Variants in E2F8 observed in about 807,000 individuals in gnomAD.
The protein encoded by E2F8 is transcription factor E2F8.
A neutral mutation model predicts 80.8 loss-of-function variants in E2F8; 35 were observed. The observed-to-expected ratio is 0.43, with a 90% CI of 0.33 to 0.57. The LOEUF is 0.57. Ranked by LOEUF, E2F8 falls within the 20% of genes least tolerant of loss-of-function variation. The pLI, the probability that E2F8 is intolerant of heterozygous loss-of-function variation, is 0.04. For synonymous variants in E2F8, 386 were observed against 395.0 expected (o/e 0.98, Z 0.27); for missense variants, 975 against 1,056.2 (o/e 0.92, Z 1.07).
rs1590123759 is a variant in E2F8, at chr11:19,229,365, T to C, written c.1893+89A>G. ...AACAGTTCCTTGTCTTCTGAGAGAA[T>C]GCTCTTCGGTAAATTTCACAAGCCA... is the stretch of plus-strand genomic sequence containing the variant. On this transcript the variant is annotated intron_variant, in intron 10 of 12. Coordinates refer to ENST00000250024, the MANE Select transcript of E2F8 (RefSeq NM_024680.4). The surrounding 1 kb of genome is among the most constrained non-coding windows in gnomAD (Gnocchi z 4.3). 3 of 1,494,292 alleles carry C rather than the reference T, an allele frequency of 2.0e-6. No individual in the cohort carries two copies. Among genetic ancestry groups the C allele is most frequent in the South Asian group, 2.7e-5 (2 of 73,356 alleles). The allele number at this position is 1,494,292 out of a possible 1,614,324, so 92.6% of individuals were successfully genotyped here.
intron 11 of E2F8, 23 bp downstream of exon 11, chr11:19,225,709 G>C (rs1248632112): frequency 6.2e-7 from 1 of 1,613,992 alleles, no homozygotes; most frequent in East Asian, 2.2e-5. Context: ...CCCACATCTG[G>C]TTAGTGTTTT....
rs755666437 is a variant in E2F8, at chr11:19,238,180, A to G, written c.16-48T>C. The stretch of plus-strand genomic sequence containing the variant: ...TTAAATCCATGGTAAAACAGGATTT[A>G]TCAGACAGCTTGGATTCTAGAAATT... On this transcript the variant is annotated intron_variant, in intron 2 of 12. Coordinates refer to ENST00000250024, the MANE Select transcript of E2F8 (RefSeq NM_024680.4). The G allele has an allele frequency of 2.1e-5, 33 of 1,544,548 alleles. No homozygotes were observed. The East Asian group carries it at 6.3e-4, about 30-fold the overall frequency.
intron 4 of E2F8, among the ~76,000 whole-genome samples, chr11:19,235,606 G>A (rs1420665386): frequency 6.6e-6 from 1 of 151,856 alleles, no homozygotes; most frequent in Non-Finnish European, 1.5e-5. Context: ...CCTAGATCGC[G>A]CCACAGCACT....
chr11:19,232,612 G>A (rs1330783785), intron 6 of E2F8, among the ~76,000 whole-genome samples: 1 of 152,002 alleles, frequency 6.6e-6, no homozygotes, highest in African/African-American at 2.4e-5. Context: ...AGCATACGTT[G>A]ACAAAGGAAA....
Position 19,238,009 on chromosome 11 carries a change from T to C in E2F8, c.139A>G (p.Lys47Glu), listed in dbSNP as rs781530548. The C allele has an allele frequency of 4.3e-6, 7 of 1,614,070 alleles. No homozygotes were observed. In the Admixed American group the frequency reaches 8.3e-5, roughly 19 times the overall value. ...TCTCCCTGAGAGCCTTCCTTGGGCT[T>C]GGTAGGTGTGGTTAAAGGGCCAAAG... Reference protein sequence around the residue: ...PDFGPLTTPTKPKEGSQGEPW... With the variant: ...PDFGPLTTPTEPKEGSQGEPW... The change falls in exon 3 of 13, where the codon AAG (lysine) becomes GAG (glutamate). Residue 47 changes from lysine to glutamate, a missense_variant. Lys to Glu is a moderately conservative substitution (Grantham distance 56, BLOSUM62 1). Coordinates refer to ENST00000250024, the MANE Select transcript of E2F8 (RefSeq NM_024680.4).
chr11:19,230,853 G>T lies in E2F8; in HGVS notation c.1067-19C>A. 6.2e-7 allele frequency: 1 copy of T among 1,612,686 alleles called. No individual in the cohort carries two copies. Among genetic ancestry groups the T allele is most frequent in the East Asian group, 2.2e-5 (1 of 44,870 alleles). On this transcript the variant is annotated intron_variant, in intron 7 of 12. Transcript: ENST00000250024. ...CTGGAGCCTGAAACAGAAAACGTCT[G>T]TGTATTAAAACCTGGATGGCTCAGT...
In E2F8 at chr11:19,225,830, G is replaced by A. The variant is rs764017564; in HGVS notation, c.1928C>T (p.Thr643Met). 9.9e-6 allele frequency: 16 copies of A among 1,614,088 alleles called. No homozygotes were observed. The highest frequency in any genetic ancestry group is 5.3e-5 in the African/African-American group (4 of 74,934). ...CTCTGCCCCCAGGGATGAGCACTGC[G>A]TGAGAGGGATTAGGTATCCTGATGG... ...LFPSGYLIPL[T>M]QCSSLGAESI... The change falls in exon 11 of 13, where the codon ACG becomes ATG. Residue 643 changes from threonine (T) to methionine (M), a missense_variant. Coordinates refer to ENST00000250024, the MANE Select transcript of E2F8 (RefSeq NM_024680.4).
intron 4 of E2F8, among the ~76,000 whole-genome samples, chr11:19,235,694 G>A (rs946603072): frequency 1.3e-5 from 2 of 151,758 alleles, no homozygotes; most frequent in South Asian, 2.1e-4. Flanking sequence ...AGAAAACAGA[G>A]GCTCAGACCA....
Position 19,224,709 on chromosome 11 carries a change from A to T in E2F8, c.2553T>A (p.Thr851=). 2.5e-6 allele frequency: 4 copies of T among 1,614,212 alleles called. No homozygotes were observed. The highest frequency in any genetic ancestry group is 3.4e-6 in the Non-Finnish European group (4 of 1,180,038). The change falls in exon 13 of 13, where the codon ACT becomes ACA. Residue 851 remains threonine, a synonymous_variant. Transcript: ENST00000250024. ...FEGANKTSLG[T]LFVPQRKLEV... ...CCAGTTTTCGCTGTGGGACAAAGAG[A>T]GTTCCTAAGGAGGTTTTATTAGCAC... is the stretch of plus-strand genomic sequence containing the variant.
At position 19,230,262 on chromosome 11, in the gene E2F8, AT is replaced by A; in HGVS notation, c.1336del (p.Met446CysfsTer3). 1 of 1,613,740 alleles carries A rather than the reference AT, an allele frequency of 6.2e-7. No homozygotes were observed. The highest frequency in any genetic ancestry group is 8.5e-7 in the Non-Finnish European group (1 of 1,179,920). On this transcript the variant is annotated frameshift_variant, in exon 9 of 13. Coordinates refer to ENST00000250024, the MANE Select transcript of E2F8 (RefSeq NM_024680.4). LOFTEE classifies it high-confidence loss of function. ...KMAQLAAICK[M>X]QLEEQSSESR... ...CTACCTTGATTGCTCTTCTAACTGC[AT>A]TTTACAAATAGCTGCGAGCTGAGCC...
chr11:19,234,627 T>A (rs1851464461), intron 5 of E2F8, 106 bp from the exon 6 acceptor site: 2 of 1,529,770 alleles, frequency 1.3e-6, no homozygotes, highest in Non-Finnish European at 1.8e-6. Flanking sequence ...AGCTGACAAC[T>A]GTGGCATCTG....
intron 6 of E2F8, 38 bp downstream of exon 6, chr11:19,234,319 TAAG>T: frequency 6.2e-7 from 1 of 1,606,240 alleles, no homozygotes. Context: ...TTTTATTGTT[TAAG>T]AATAGGTTCA....
intron 10 of E2F8, 123 bp from the exon 11 acceptor site, chr11:19,225,987 T>G (rs1291894046): frequency 8.4e-7 from 1 of 1,187,968 alleles, no homozygotes; most frequent in Non-Finnish European, 1.2e-6. Flanking sequence ...TCCAGCGGAG[T>G]GGGCTGCAGG....
intron 7 of E2F8, 21 bp from the exon 8 acceptor site, chr11:19,230,855 G>A (rs919917104): frequency 6.2e-6 from 10 of 1,611,616 alleles, no homozygotes; most frequent in Non-Finnish European, 8.5e-6. Context: ...AAACGTCTGT[G>A]TATTAAAACC....
At position 19,225,502 on chromosome 11, in the gene E2F8, T is replaced by C. The variant is rs1590120947; in HGVS notation, c.2140A>G (p.Asn714Asp). Residue 714 changes from asparagine to aspartate, a missense_variant, in exon 12 of 13, where the codon AAC becomes GAC. By Grantham distance (23) the Asn-to-Asp change is conservative. Coordinates refer to ENST00000250024, the MANE Select transcript of E2F8 (RefSeq NM_024680.4). ...PTSVAAVPVG[N>D]SPALASSHPV... ...TGGCTTGAAGCGAGAGCCGGGCTGT[T>C]CCCGACAGGTACGGCTGCCACGGAA... 6.2e-7 allele frequency: 1 copy of C among 1,614,170 alleles called. No individual in the cohort carries two copies. The highest frequency in any genetic ancestry group is 8.5e-7 in the Non-Finnish European group (1 of 1,180,038).
At chr11:19,238,247 A>C in intron 2 of E2F8, 115 bp from the exon 3 acceptor site, 1 of 1,055,114 alleles carries the variant, frequency 9.5e-7, no homozygotes, top group Non-Finnish European at 1.3e-6. Context: ...ATGTCTAATG[A>C]GATTGTAGAG....
At chr11:19,239,571 A>T (rs1260910970) in intron 2 of E2F8, among the ~76,000 whole-genome samples, 1 of 151,944 alleles carries the variant, frequency 6.6e-6, no homozygotes, top group East Asian at 2.0e-4. Context: ...ATAAGCTGCC[A>T]ATTTGGTAAA....
At chr11:19,235,257 G>A (rs1408397201) in intron 4 of E2F8, among the ~76,000 whole-genome samples, 199 bp from the exon 5 acceptor site, 1 of 152,194 alleles carries the variant, frequency 6.6e-6, no homozygotes, top group Non-Finnish European at 1.5e-5. Context: ...ATATGAATTA[G>A]AAAGGCAACA....
chr11:19,234,860 T>C lies in E2F8; in HGVS notation c.650A>G (p.Glu217Gly), dbSNP rs773087665. Residue 217 changes from glutamate (E) to glycine (G), a missense_variant, in exon 5 of 13, where the codon GAG (glutamate) becomes GGG (glycine). By Grantham distance (98) the Glu-to-Gly change is moderately conservative (BLOSUM62 -2). Transcript: ENST00000250024. ...MMIKKKEYEQ[E>G]FDFIKSYSIE... ...ACTGTAACTCTTAATAAAGTCAAACTCTTGCTCATATTCTTTCTTTTTGAT... is the reference window on the plus strand; with the variant it reads ...ACTGTAACTCTTAATAAAGTCAAACCCTTGCTCATATTCTTTCTTTTTGAT... The C allele has an allele frequency of 6.2e-7, 1 of 1,614,232 alleles. No individual in the cohort carries two copies. The highest frequency in any genetic ancestry group is 8.5e-7 in the Non-Finnish European group (1 of 1,180,044).
Sources: gnomAD v4.1 joint callset for allele counts (sites outside exome capture counted in the v4.1 genomes callset) on GRCh38, gnomAD v4.1.1 for gene constraint, Gnocchi (gnomAD v3.1) non-coding constraint, MANE v1.5 for transcripts, NCBI Gene and HGNC (gene_info 2026-07-23, HGNC 2026-07-21) for gene names.